Variants in RBM20 observed in about 807,000 individuals in gnomAD.
RBM20 encodes the protein RNA binding motif protein 20, also known as RNA-binding protein 20.
Under a neutral mutation model 110.1 loss-of-function variants are expected in RBM20, and 51 were observed. The observed-to-expected ratio is 0.46, with a 90% CI of 0.37 to 0.59. RBM20 has a LOEUF of 0.59. Among genes scored for constraint, RBM20 ranks in the 20% least tolerant of loss-of-function variants. The probability of loss-of-function intolerance (pLI) is 0.00; values close to 1 mark genes in which losing one functional copy is unlikely to be tolerated. For missense variants in RBM20, 1,512 were observed against 1,574.9 expected (o/e 0.96, Z 0.68); for synonymous variants, 589 against 618.2 (o/e 0.95, Z 0.70).
At chr10:110,765,439 A>G (rs892015721) in intron 1 of RBM20, among the ~76,000 whole-genome samples, 3 of 152,178 alleles carry the variant, frequency 2.0e-5, no homozygotes, top group Non-Finnish European at 4.4e-5. Context: ...GCACCCCTGA[A>G]GTAGCTGGAA....
chr10:110,661,434 C>T (rs1480202634), intron 1 of RBM20, among the ~76,000 whole-genome samples: 1 of 152,152 alleles, frequency 6.6e-6, no homozygotes, highest in East Asian at 1.9e-4. Context: ...AGCAGCAGGC[C>T]TGGGCTCAGT....
intron 1 of RBM20, among the ~76,000 whole-genome samples, chr10:110,723,532 C>T (rs956519887): frequency 6.6e-6 from 1 of 152,240 alleles, no homozygotes; most frequent in African/African-American, 2.4e-5. Flanking sequence ...CACCATTTTA[C>T]ACCAATGCCA....
intron 1 of RBM20, among the ~76,000 whole-genome samples, chr10:110,686,946 G>C (rs1479961258): frequency 1.3e-5 from 2 of 151,892 alleles, no homozygotes; most frequent in African/African-American, 4.8e-5. Flanking sequence ...GGCTGAGGCA[G>C]GAGAATTGCT....
chr10:110,783,733 G>GT (rs1844383931), intron 3 of RBM20, among the ~76,000 whole-genome samples: 1 of 152,220 alleles, frequency 6.6e-6, no homozygotes, highest in Admixed American at 6.5e-5. Context: ...TTGTAGTCAA[G>GT]TTCACATAGG....
At chr10:110,803,980 G>T (rs1414788156) in intron 7 of RBM20, among the ~76,000 whole-genome samples, 1 of 152,046 alleles carries the variant, frequency 6.6e-6, no homozygotes, top group Non-Finnish European at 1.5e-5. Flanking sequence ...TTTACTGGGG[G>T]CTCCCTGGGA....
chr10:110,789,014 C>G (rs185038800), intron 5 of RBM20, among the ~76,000 whole-genome samples: 2 of 152,246 alleles, frequency 1.3e-5, no homozygotes, highest in African/African-American at 4.8e-5. Context: ...CACAGAGATC[C>G]CATTTTCCTC....
At chr10:110,708,257 C>A (rs906232293) in intron 1 of RBM20, among the ~76,000 whole-genome samples, 2 of 152,142 alleles carry the variant, frequency 1.3e-5, no homozygotes, top group African/African-American at 4.8e-5. Context: ...GTGTGCCCTG[C>A]AAATTATGAG....
chr10:110,822,274 C>T (rs1199253012), intron 11 of RBM20, among the ~76,000 whole-genome samples: 7 of 152,112 alleles, frequency 4.6e-5, no homozygotes, highest in Admixed American at 3.3e-4. Flanking sequence ...GGAGGAGCCT[C>T]GTGCCTGCAC....
At position 110,652,985 on chromosome 10, in the gene RBM20, C is replaced by A. The variant is rs562865473; in HGVS notation, c.191+8340C>A. ...TCTCCTGGGCATCTCATGCTCTGTT[C>A]CTTCCTGCCAAACAGAAGCCAACCA... On this transcript the variant is annotated intron_variant, in intron 1 of 13. Coordinates refer to ENST00000369519, the MANE Select transcript of RBM20 (RefSeq NM_001134363.3). 4.6e-5 allele frequency among the ~76,000 whole-genome samples: 7 copies of A among 152,274 alleles called. No individual in the cohort carries two copies. In the East Asian group the frequency reaches 1.3e-3, roughly 29 times the overall value.
chr10:110,655,491 C>T (rs1280268075), intron 1 of RBM20, among the ~76,000 whole-genome samples: 5 of 152,234 alleles, frequency 3.3e-5, no homozygotes, highest in East Asian at 3.9e-4. Flanking sequence ...ATAACAGACA[C>T]GATAGTTTGA....
In RBM20 at chr10:110,797,716, A is replaced by C. The variant is rs115639683; in HGVS notation, c.1668+68A>C. 1.3e-3 allele frequency: 1,988 copies of C among 1,475,862 alleles called. 25 individuals are homozygous for C. In the African/African-American group the frequency reaches 0.024, roughly 18 times the overall value. 91.4% of individuals were successfully genotyped at this position (1,475,862 alleles called of 1,614,324 possible). A position where few individuals can be genotyped will look rare whatever the true frequency, so the allele number is the denominator to read the frequency against. ...ACACATTAGTGAAAGGGAACGATAT[A>C]ATTTTTGAAAGAAGCCATTCTTAAC... On this transcript the variant is annotated intron_variant, in intron 6 of 13. Transcript: ENST00000369519.
intron 1 of RBM20, among the ~76,000 whole-genome samples, chr10:110,663,864 CT>C (rs900446206): frequency 3.9e-4 from 59 of 152,256 alleles, no homozygotes; most frequent in African/African-American, 1.3e-3. Context: ...GTTGATAGAA[CT>C]GTACTGACAC....
At chr10:110,801,479 T>C (rs1449499345) in intron 7 of RBM20, among the ~76,000 whole-genome samples, 1 of 152,120 alleles carries the variant, frequency 6.6e-6, no homozygotes, top group South Asian at 2.1e-4. Flanking sequence ...ACACATTGTC[T>C]TGTCCAACTT....
At chr10:110,675,244 T>C (rs558527041) in intron 1 of RBM20, among the ~76,000 whole-genome samples, 50 of 152,292 alleles carry the variant, frequency 3.3e-4, no homozygotes, top group African/African-American at 1.2e-3. Flanking sequence ...AAAGAGAGCC[T>C]GTTTTGGTGA....
rs902415505 is a variant in RBM20 at position 110,836,148 on chromosome 10, T to A, written c.*170T>A. 44 of 490,326 alleles carry A rather than the reference T, an allele frequency of 9.0e-5. No individual in the cohort carries two copies. Among genetic ancestry groups the A allele is most frequent in the Middle Eastern group, 5.2e-4 (1 of 1,938 alleles). The allele number at this position is 490,326 out of a possible 1,614,324, so 30.4% of individuals were successfully genotyped here. ...GAGACTCAGTGAAATGCCCCTGATATGTCTCCAGGAGCAAGTCACCCAGGT... is the reference window on the plus strand; with the variant it reads ...GAGACTCAGTGAAATGCCCCTGATAAGTCTCCAGGAGCAAGTCACCCAGGT... On this transcript the variant is annotated 3_prime_UTR_variant, in exon 14 of 14. Transcript: ENST00000369519.
At chr10:110,800,085 A>G (rs1461200616) in intron 7 of RBM20, among the ~76,000 whole-genome samples, 167 bp downstream of exon 7, 2 of 152,224 alleles carry the variant, frequency 1.3e-5, no homozygotes, top group Non-Finnish European at 2.9e-5. Context: ...GCATGGCAAG[A>G]AAAGTGCTCT....
Position 110,821,388 on chromosome 10 carries a change from AC to A in RBM20, c.2771del (p.Pro924GlnfsTer26). The stretch of plus-strand genomic sequence containing the variant: ...GGGAAGAAGAAGATTTTATCGTGGA[AC>A]CAGACATCCCAGAGCTGGAAGAAAT... Reference protein sequence around the residue: ...VGEEEDFIVEPDIPELEEIVP... With the variant: ...VGEEEDFIVEXDIPELEEIVP... On this transcript the variant is annotated frameshift_variant, in exon 11 of 14. Transcript: ENST00000369519. LOFTEE classifies it high-confidence loss of function. 1 of 1,551,784 alleles carries A rather than the reference AC, an allele frequency of 6.4e-7. No homozygotes were observed. Among genetic ancestry groups the A allele is most frequent in the Non-Finnish European group, 8.7e-7 (1 of 1,147,012 alleles).
intron 7 of RBM20, among the ~76,000 whole-genome samples, chr10:110,806,969 T>C (rs1331177782): frequency 6.6e-6 from 1 of 152,200 alleles, no homozygotes; most frequent in Non-Finnish European, 1.5e-5. Flanking sequence ...TGTCCCCTTT[T>C]CAGATGGCAG....
chr10:110,702,435 C>T (rs1457870524), intron 1 of RBM20, among the ~76,000 whole-genome samples: 2 of 152,176 alleles, frequency 1.3e-5, no homozygotes, highest in African/African-American at 4.8e-5. Flanking sequence ...AGTCTGGAGG[C>T]TGAGGCAGGA....
Sources: allele counts gnomAD v4.1 joint callset (sites outside exome capture counted in the v4.1 genomes callset), GRCh38; gene constraint gnomAD v4.1.1; transcripts MANE v1.5; gene names NCBI Gene and HGNC (gene_info 2026-07-23, HGNC 2026-07-21).